The following TMCC1 variants were observed in gnomAD, a reference collection of about 807,000 sequenced individuals.
The protein encoded by TMCC1 is transmembrane and coiled-coil domain family 1.
TMCC1 carries 15 observed loss-of-function variants against 52.4 expected under a neutral mutation model. That is an observed-to-expected ratio of 0.29 (90% CI 0.19 to 0.44). The LOEUF is 0.44. Ranked by LOEUF, TMCC1 falls within the 20% of genes least tolerant of loss-of-function variation. TMCC1 has a pLI of 1.00. For missense variants in TMCC1, 503 were observed against 806.0 expected (o/e 0.62, Z 4.55); for synonymous variants, 279 against 301.9 (o/e 0.92, Z 0.79).
intron 4 of TMCC1, among the ~76,000 whole-genome samples, chr3:129,785,584 CAA>C (rs1491220922): frequency 2.9e-5 from 4 of 136,812 alleles, no homozygotes; most frequent in African/African-American, 1.0e-4. Flanking sequence ...CACACACACA[CAA>C]ACACACACAC....
At chr3:129,655,237 G>A in intron 5 of TMCC1, 134 bp from the exon 6 acceptor site, 3 of 1,093,466 alleles carry the variant, frequency 2.7e-6, no homozygotes, top group Non-Finnish European at 3.9e-6. Flanking sequence ...TGGGTTAACA[G>A]GGTGTGCCAG....
At chr3:129,695,582 A>G (rs1233428892) in intron 4 of TMCC1, among the ~76,000 whole-genome samples, 2 of 152,128 alleles carry the variant, frequency 1.3e-5, no homozygotes, top group Non-Finnish European at 2.9e-5. Context: ...GCCCCTTTTA[A>G]AACTATCAGA....
At chr3:129,773,326 A>G (rs1187854676) in intron 4 of TMCC1, among the ~76,000 whole-genome samples, 3 of 152,212 alleles carry the variant, frequency 2.0e-5, no homozygotes, top group Non-Finnish European at 4.4e-5. Context: ...TTGTGTGGGA[A>G]GGCGAAGGGG....
chr3:129,886,886 G>A (rs990745281), intron 1 of TMCC1, among the ~76,000 whole-genome samples: 3 of 151,250 alleles, frequency 2.0e-5, no homozygotes, highest in Non-Finnish European at 4.4e-5. Context: ...GCAGTGAGCC[G>A]AGATCACACC....
intron 4 of TMCC1, among the ~76,000 whole-genome samples, chr3:129,825,756 C>T (rs920717844): frequency 6.6e-6 from 1 of 152,114 alleles, no homozygotes; most frequent in Non-Finnish European, 1.5e-5. Context: ...AGCAGATCAG[C>T]GGCTACCAGA....
At chr3:129,860,144 G>T (rs1350908186) in intron 2 of TMCC1, among the ~76,000 whole-genome samples, 2 of 152,022 alleles carry the variant, frequency 1.3e-5, no homozygotes, top group Non-Finnish European at 2.9e-5. Context: ...CTACCCTCAG[G>T]AATCAACTAC....
intron 2 of TMCC1, among the ~76,000 whole-genome samples, chr3:129,835,077 T>C (rs1381869377): frequency 6.6e-6 from 1 of 152,188 alleles, no homozygotes; most frequent in Non-Finnish European, 1.5e-5. Context: ...CCGAAGATGT[T>C]ACAACTATGA....
intron 4 of TMCC1, among the ~76,000 whole-genome samples, chr3:129,825,617 C>T: frequency 6.6e-6 from 1 of 152,170 alleles, no homozygotes; most frequent in Admixed American, 6.5e-5. Flanking sequence ...AAACTATCAA[C>T]ACATTCAACA....
At chr3:129,739,424 C>A (rs2051262782) in intron 4 of TMCC1, among the ~76,000 whole-genome samples, 1 of 152,196 alleles carries the variant, frequency 6.6e-6, no homozygotes, top group South Asian at 2.1e-4. Flanking sequence ...GCCTCGGCCT[C>A]CCAAAGTGCT....
intron 4 of TMCC1, among the ~76,000 whole-genome samples, chr3:129,820,943 A>G (rs1203812125): frequency 6.6e-6 from 1 of 152,210 alleles, no homozygotes; most frequent in Non-Finnish European, 1.5e-5. Flanking sequence ...GCCTTTTGAT[A>G]GTACATAAGG....
Position 129,670,632 on chromosome 3 carries a change from C to G in TMCC1, c.1209G>C (p.Lys403Asn), listed in dbSNP as rs774821791. ...GAAAGTTTGAAATCACTCCCAAAGC[C>G]TTCCCCGCATCATCCACTTGCCCTT... ...LEEGQVDDAGKALGVISNFQS... is the reference protein window; with the variant it reads ...LEEGQVDDAGNALGVISNFQS... The change falls in exon 5 of 7, where the codon AAG (lysine) becomes AAC (asparagine). Residue 403 changes from lysine to asparagine, a missense_variant. By Grantham distance (94) the Lys-to-Asn change is moderately conservative. Coordinates refer to ENST00000393238, the MANE Select transcript of TMCC1 (RefSeq NM_001017395.5). The G allele has an allele frequency of 4.3e-6, 7 of 1,614,228 alleles. No individual in the cohort carries two copies. The highest frequency in any genetic ancestry group is 5.9e-6 in the Non-Finnish European group (7 of 1,180,040).
At chr3:129,771,709 A>G (rs1358953914) in intron 4 of TMCC1, among the ~76,000 whole-genome samples, 3 of 137,158 alleles carry the variant, frequency 2.2e-5, no homozygotes, top group African/African-American at 5.1e-5. Flanking sequence ...CAGGAGGTCA[A>G]GGCTGCAGTG....
intron 4 of TMCC1, among the ~76,000 whole-genome samples, chr3:129,789,550 G>A (rs571190335): frequency 6.6e-6 from 1 of 152,158 alleles, no homozygotes; most frequent in South Asian, 2.1e-4. Context: ...GCGCGATCTC[G>A]GCTCACTGCA....
intron 4 of TMCC1, among the ~76,000 whole-genome samples, chr3:129,677,098 T>TAAA (rs550686592): frequency 7.1e-6 from 1 of 141,088 alleles, no homozygotes; most frequent in East Asian, 2.0e-4. Context: ...ACCCTGTCTC[T>TAAA]AAAAAAAAAA....
chr3:129,889,261 G>A (rs1180876411), intron 1 of TMCC1, among the ~76,000 whole-genome samples: 1 of 152,140 alleles, frequency 6.6e-6, no homozygotes, highest in Non-Finnish European at 1.5e-5. Flanking sequence ...GACAGAGGGA[G>A]ATCCTGTCTC....
At chr3:129,688,384 A>G (rs1414429699) in intron 4 of TMCC1, 1 of 985,340 alleles carries the variant, frequency 1.0e-6, no homozygotes. Context: ...TTCCGAGAAT[A>G]ACGCTGCAAA....
intron 4 of TMCC1, among the ~76,000 whole-genome samples, chr3:129,791,461 G>A (rs1040378339): frequency 3.9e-5 from 6 of 152,084 alleles, no homozygotes; most frequent in Admixed American, 2.0e-4. Context: ...TTAGACCTAC[G>A]TTTGACTCGG....
chr3:129,760,401 A>AGTGTGTGTGTGTGT (rs200322394), intron 4 of TMCC1, among the ~76,000 whole-genome samples: 9 of 137,874 alleles, frequency 6.5e-5, no homozygotes, highest in African/African-American at 2.2e-4. Flanking sequence ...ACGCCAGGCT[A>AGTGTGTGTGTGTGT]GTGTGTGTGT....
At chr3:129,759,201 C>T (rs2053275864) in intron 4 of TMCC1, among the ~76,000 whole-genome samples, 1 of 152,078 alleles carries the variant, frequency 6.6e-6, no homozygotes, top group Admixed American at 6.6e-5. Flanking sequence ...TCCATAACTG[C>T]CTCCAAACTC....
Sources: gnomAD v4.1 joint callset for allele counts (sites outside exome capture counted in the v4.1 genomes callset) on GRCh38, gnomAD v4.1.1 for gene constraint, MANE v1.5 for transcripts, NCBI Gene and HGNC (gene_info 2026-07-23, HGNC 2026-07-21) for gene names.